The following CFDP1 variants were observed in gnomAD, a reference collection of about 807,000 sequenced individuals.
CFDP1 encodes the protein chromatin remodeling protein CFDP1, also known as heterochromatin-stabilizing protein CFDP1.
In CFDP1, 31 loss-of-function variants were observed where a neutral mutation model predicts 40.1. That is an observed-to-expected ratio of 0.77 (90% CI 0.58 to 1.04). CFDP1 has a LOEUF of 1.04. CFDP1 is among the 50% of genes least tolerant of loss of function. The pLI is 0.00. For missense variants in CFDP1, 423 were observed against 343.4 expected, an observed-to-expected ratio of 1.23 and a Z score of -1.83; for synonymous variants, 167 against 120.0, an observed-to-expected ratio of 1.39 and a Z score of -2.56.
At chr16:75,424,470 A>C (rs1800544462) in intron 1 of CFDP1, among the ~76,000 whole-genome samples, 1 of 152,222 alleles carries the variant, frequency 6.6e-6, no homozygotes, top group South Asian at 2.1e-4. Flanking sequence ...ATTGGGAAAA[A>C]GGCTGCCAGA....
chr16:75,357,462 C>G (rs774227013), intron 5 of CFDP1, among the ~76,000 whole-genome samples: 6 of 152,046 alleles, frequency 3.9e-5, no homozygotes, highest in Non-Finnish European at 8.8e-5. Flanking sequence ...ACCATATTGG[C>G]CAGGCTGGTC....
At chr16:75,347,343 C>CAAAAAAAAAAAAAAAAAAAAAAA (rs762900031) in intron 5 of CFDP1, among the ~76,000 whole-genome samples, 5 of 91,624 alleles carry the variant, frequency 5.5e-5, no homozygotes, top group Non-Finnish European at 1.0e-4. Flanking sequence ...GACTCCATCT[C>CAAAAAAAAAAAAAAAAAAAAAAA]AAAAAAAAAA....
At chr16:75,392,791 A>T (rs1397571802) in intron 5 of CFDP1, among the ~76,000 whole-genome samples, 2 of 152,240 alleles carry the variant, frequency 1.3e-5, no homozygotes, top group East Asian at 3.8e-4. Context: ...CACAGCTTAC[A>T]AAGTACTTGC....
intron 4 of CFDP1, 137 bp from the exon 5 acceptor site, chr16:75,395,346 G>C: frequency 6.5e-6 from 6 of 926,748 alleles, no homozygotes; most frequent in East Asian, 2.8e-5. Flanking sequence ...TATGATAAAA[G>C]TTTACTATAA....
chr16:75,424,333 T>G (rs1335484328), intron 1 of CFDP1, among the ~76,000 whole-genome samples: 3 of 152,064 alleles, frequency 2.0e-5, no homozygotes, highest in Middle Eastern at 3.2e-3. Context: ...GGTGACTGAG[T>G]TGGTAATAAG....
chr16:75,361,268 C>T (rs986148596), intron 5 of CFDP1, among the ~76,000 whole-genome samples: 1 of 152,176 alleles, frequency 6.6e-6, no homozygotes, highest in East Asian at 1.9e-4. Flanking sequence ...GCCACAGTCT[C>T]CCAAAGTGCT....
At chr16:75,422,660 GC>G (rs1431069706) in intron 1 of CFDP1, among the ~76,000 whole-genome samples, 2 of 151,926 alleles carry the variant, frequency 1.3e-5, no homozygotes, top group African/African-American at 2.4e-5. Flanking sequence ...CTCCCAAAGT[GC>G]TGGGATTACA....
intron 5 of CFDP1, among the ~76,000 whole-genome samples, chr16:75,382,695 G>A (rs951746991): frequency 2.0e-5 from 3 of 152,196 alleles, no homozygotes; most frequent in Admixed American, 6.5e-5. Flanking sequence ...TTTCCTCCAA[G>A]TTTTGCTTTG....
At chr16:75,423,234 T>A (rs369955034) in intron 1 of CFDP1, among the ~76,000 whole-genome samples, 1 of 141,312 alleles carries the variant, frequency 7.1e-6, no homozygotes, top group East Asian at 2.2e-4. Context: ...TGAACCGAGA[T>A]GGTGCCACTG....
intron 5 of CFDP1, among the ~76,000 whole-genome samples, chr16:75,337,898 C>T (rs1003939338): frequency 1.3e-5 from 2 of 152,180 alleles, no homozygotes; most frequent in African/African-American, 4.8e-5. Context: ...GAGGAGTTTG[C>T]TCGTTTTCCC....
At chr16:75,400,681 T>A (rs2079044183) in intron 4 of CFDP1, among the ~76,000 whole-genome samples, 1 of 152,204 alleles carries the variant, frequency 6.6e-6, no homozygotes, top group African/African-American at 2.4e-5. Flanking sequence ...AGGAATTATA[T>A]GAAAATCTAT....
intron 5 of CFDP1, among the ~76,000 whole-genome samples, chr16:75,367,648 C>A (rs2078724221): frequency 6.6e-6 from 1 of 151,710 alleles, no homozygotes; most frequent in African/African-American, 2.4e-5. Context: ...CAAAAATTAG[C>A]CGGTCGTGGT....
intron 6 of CFDP1, among the ~76,000 whole-genome samples, 184 bp from the exon 7 acceptor site, chr16:75,294,226 G>GA (rs1177390696): frequency 6.6e-6 from 1 of 152,196 alleles, no homozygotes; most frequent in Non-Finnish European, 1.5e-5. Flanking sequence ...AAAATAAAAG[G>GA]AAGGCAACAG....
intron 5 of CFDP1, among the ~76,000 whole-genome samples, chr16:75,327,618 T>C (rs1273015613): frequency 6.6e-6 from 1 of 152,092 alleles, no homozygotes; most frequent in African/African-American, 2.4e-5. Flanking sequence ...CAGAAAACCA[T>C]CCAGCCAATC....
chr16:75,401,803 T>C (rs1416940996), intron 4 of CFDP1, among the ~76,000 whole-genome samples: 1 of 151,986 alleles, frequency 6.6e-6, no homozygotes. Flanking sequence ...AGGTCAACAT[T>C]TGCTGAAAAG....
intron 4 of CFDP1, among the ~76,000 whole-genome samples, chr16:75,411,100 C>G (rs1313718071): frequency 2.0e-5 from 3 of 151,942 alleles, no homozygotes; most frequent in Non-Finnish European, 2.9e-5. Flanking sequence ...GGCTTGCAAT[C>G]CCATCTACTT....
intron 3 of CFDP1, 54 bp from the exon 4 acceptor site, chr16:75,412,006 T>C: frequency 2.0e-6 from 3 of 1,537,948 alleles, no homozygotes; most frequent in East Asian, 2.3e-5. Context: ...CCATATTGTT[T>C]ACAGATACTT....
intron 5 of CFDP1, among the ~76,000 whole-genome samples, chr16:75,361,606 G>C (rs1339144485): frequency 6.6e-6 from 1 of 152,072 alleles, no homozygotes; most frequent in South Asian, 2.1e-4. Context: ...AACAGAGCAA[G>C]ACTATGTCTC....
intron 5 of CFDP1, among the ~76,000 whole-genome samples, chr16:75,383,360 G>T (rs893796475): frequency 6.6e-6 from 1 of 152,184 alleles, no homozygotes; most frequent in African/African-American, 2.4e-5. Context: ...TCAGGAAATA[G>T]CAGCAAGTTG....
Sources: allele counts gnomAD v4.1 joint callset (sites outside exome capture counted in the v4.1 genomes callset), GRCh38; gene constraint gnomAD v4.1.1; transcripts MANE v1.5; gene names NCBI Gene and HGNC (gene_info 2026-07-23, HGNC 2026-07-21).